The following HERC1 variants were observed in gnomAD, a reference collection of about 807,000 sequenced individuals.
HERC1 encodes probable E3 ubiquitin-protein ligase HERC1.
In HERC1, 160 loss-of-function variants were observed where a neutral mutation model predicts 554.3. The observed-to-expected ratio is 0.29, with a 90% CI of 0.25 to 0.33. The LOEUF is 0.33. HERC1 is among the 10% of genes least tolerant of loss of function. HERC1 has a pLI of 1.00. For synonymous variants in HERC1, 2,175 were observed against 2,131.7 expected (o/e 1.02, Z -0.56); for missense variants, 4,919 against 5,918.5 (o/e 0.83, Z 5.54).
chr15:63,628,506 C>T (rs2068404938), intron 70 of HERC1, among the ~76,000 whole-genome samples, 171 bp downstream of exon 70: 1 of 152,196 alleles, frequency 6.6e-6, no homozygotes, highest in African/African-American at 2.4e-5. Context: ...AGAACAAATG[C>T]CTGCTATGAA....
intron 3 of HERC1, among the ~76,000 whole-genome samples, chr15:63,759,845 T>C (rs928852129): frequency 2.0e-5 from 3 of 152,238 alleles, no homozygotes; most frequent in Admixed American, 6.5e-5. Context: ...ATACTTTAAA[T>C]AGTATCCAAA....
At chr15:63,674,090 C>G (rs2071074791) in intron 38 of HERC1, among the ~76,000 whole-genome samples, 1 of 151,886 alleles carries the variant, frequency 6.6e-6, no homozygotes, top group Non-Finnish European at 1.5e-5. Context: ...TTTTGTTTTA[C>G]AAAATGTAGT....
At chr15:63,817,061 A>T (rs1411093095) in intron 1 of HERC1, among the ~76,000 whole-genome samples, 1 of 152,214 alleles carries the variant, frequency 6.6e-6, no homozygotes, top group Non-Finnish European at 1.5e-5. Context: ...CAGAGATGCA[A>T]TGAGACTAAG....
At chr15:63,760,344 T>C (rs1239002791) in intron 3 of HERC1, among the ~76,000 whole-genome samples, 5 of 149,494 alleles carry the variant, frequency 3.3e-5, no homozygotes, top group Admixed American at 6.7e-5. Flanking sequence ...CAGAAAAGTA[T>C]TGAGGTCAAA....
In HERC1 at chr15:63,616,570, C is replaced by T; in HGVS notation, c.13801G>A (p.Ala4601Thr). ...RTKKPLDLHL[A>T]PLVWKQLCCV... is the part of the protein sequence containing the mutation. ...CACAGCTGCTTCCACACCAGAGGGGCCAAGTGGAGGTCCAGAGGCTTCTTT... is the reference window on the plus strand; with the variant it reads ...CACAGCTGCTTCCACACCAGAGGGGTCAAGTGGAGGTCCAGAGGCTTCTTT... The change falls in exon 75 of 78, where the codon GCC (alanine) becomes ACC (threonine). Residue 4601 changes from alanine (A) to threonine (T), a missense_variant. Ala to Thr is a moderately conservative substitution (Grantham distance 58). Around this residue, in one of 11 missense-constraint regions of HERC1, gnomAD observed 284 missense variants for 294.1 expected, o/e 0.97. Transcript: ENST00000443617. The T allele has an allele frequency of 6.2e-7, 1 of 1,613,950 alleles. No homozygotes were observed. Among genetic ancestry groups the T allele is most frequent in the Non-Finnish European group, 8.5e-7 (1 of 1,179,876 alleles).
chr15:63,743,618 T>C (rs2074918982), intron 12 of HERC1, among the ~76,000 whole-genome samples: 1 of 152,234 alleles, frequency 6.6e-6, no homozygotes, highest in Admixed American at 6.5e-5. Context: ...GAGGCATTCT[T>C]CAAAATGTCA....
At position 63,749,239 on chromosome 15, in the gene HERC1, A is replaced by G; in HGVS notation, c.2219+128T>C. ...TCATTTCTATGATAGAGAAAAAGCAATACTATATATGTTCAGAAGAGTATT... is the reference window on the plus strand; with the variant it reads ...TCATTTCTATGATAGAGAAAAAGCAGTACTATATATGTTCAGAAGAGTATT... On this transcript the variant is annotated intron_variant, in intron 10 of 77. Coordinates refer to ENST00000443617, the MANE Select transcript of HERC1 (RefSeq NM_003922.4). This position sits in a 1 kb window ranked among gnomAD's most constrained non-coding sequence, Gnocchi z 4.1. The G allele has an allele frequency of 1.5e-6, 1 of 686,764 alleles. No homozygotes were observed. The highest frequency in any genetic ancestry group is 2.8e-5 in the East Asian group (1 of 36,270). The allele number at this position is 686,764 out of a possible 1,614,324, so 42.5% of individuals were successfully genotyped here.
At chr15:63,825,139 T>C (rs11636351) in intron 1 of HERC1, among the ~76,000 whole-genome samples, 69,763 of 151,700 alleles carry the variant, frequency 0.46, 17,152 homozygotes, top group Non-Finnish European at 0.55. Flanking sequence ...CAAAACCCCA[T>C]CTCCTCAAAA....
chr15:63,628,711 T>C lies in HERC1; in HGVS notation c.13071A>G (p.Ala4357=). Reference sequence around the variant, plus strand: ...TTGGTGGGACAGGTGGTGCTGTCCATGCAGCACTGTGGCAGCGGCCAGCCG... The same window carrying C: ...TTGGTGGGACAGGTGGTGCTGTCCACGCAGCACTGTGGCAGCGGCCAGCCG... The part of the protein sequence containing the change: ...QISAGRCHSA[A]WTAPPVPPRA... The change falls in exon 70 of 78, where the codon GCA becomes GCG. Residue 4357 remains alanine, a synonymous_variant. Transcript: ENST00000443617. 1 of 1,613,822 alleles carries C rather than the reference T, an allele frequency of 6.2e-7. No homozygotes were observed. Among genetic ancestry groups the C allele is most frequent in the Non-Finnish European group, 8.5e-7 (1 of 1,179,774 alleles).
chr15:63,638,748 T>C lies in HERC1; in HGVS notation c.11930A>G (p.Asp3977Gly). Reference protein sequence around the residue: ...MDNSKWINGMDEQIMSWATSR... With the variant: ...MDNSKWINGMGEQIMSWATSR... ...AGTTGCCCAAGACATAATTTGTTCA[T>C]CCATGCCGTTAATCCATTTACTGTT... Residue 3977 changes from aspartate (D) to glycine (G), a missense_variant, in exon 62 of 78, where the codon GAT becomes GGT. Physicochemically the swap from Asp to Gly is moderately conservative, Grantham distance 94. Around this residue, in one of 11 missense-constraint regions of HERC1, gnomAD observed 1,963 missense variants for 2,228.6 expected, o/e 0.88. Coordinates refer to ENST00000443617, the MANE Select transcript of HERC1 (RefSeq NM_003922.4). 1 of 1,613,708 alleles carries C rather than the reference T, an allele frequency of 6.2e-7. No individual in the cohort carries two copies. The highest frequency in any genetic ancestry group is 2.2e-5 in the East Asian group (1 of 44,884).
At chr15:63,619,027 A>G (rs2067949284) in intron 74 of HERC1, among the ~76,000 whole-genome samples, 1 of 151,810 alleles carries the variant, frequency 6.6e-6, no homozygotes, top group Non-Finnish European at 1.5e-5. Context: ...AACTTCCAAC[A>G]CTATGTTGAA....
At chr15:63,689,742 C>CT (rs1264482361) in intron 32 of HERC1, 43 bp from the exon 33 acceptor site, 2 of 1,197,830 alleles carry the variant, frequency 1.7e-6, no homozygotes, top group African/African-American at 1.6e-5. Context: ...TAAAAAGTAA[C>CT]TTTAAGTATT....
At chr15:63,670,529 G>A (rs181404086) in intron 39 of HERC1, among the ~76,000 whole-genome samples, 31 of 152,258 alleles carry the variant, frequency 2.0e-4, no homozygotes, top group East Asian at 1.3e-3. Flanking sequence ...CCCAGTAAGA[G>A]CCAAGTGCAA....
At chr15:63,742,279 TTTGA>T (rs2074842554) in intron 12 of HERC1, among the ~76,000 whole-genome samples, 1 of 152,222 alleles carries the variant, frequency 6.6e-6, no homozygotes, top group Admixed American at 6.5e-5. Context: ...AATTTCATTC[TTTGA>T]TTGTACATTG....
At chr15:63,790,204 AAG>A (rs1357262813) in intron 1 of HERC1, among the ~76,000 whole-genome samples, 1 of 151,874 alleles carries the variant, frequency 6.6e-6, no homozygotes, top group African/African-American at 2.4e-5. Flanking sequence ...CAATAAACGT[AAG>A]CTGCTATTAT....
At chr15:63,811,547 C>T (rs1337605034) in intron 1 of HERC1, among the ~76,000 whole-genome samples, 1 of 152,102 alleles carries the variant, frequency 6.6e-6, no homozygotes, top group East Asian at 1.9e-4. Context: ...CGGTGGCTCA[C>T]GCCTGTAATC....
At chr15:63,738,766 G>C (rs2074658342) in intron 12 of HERC1, among the ~76,000 whole-genome samples, 1 of 152,106 alleles carries the variant, frequency 6.6e-6, no homozygotes, top group Non-Finnish European at 1.5e-5. Flanking sequence ...AAGATGCAAT[G>C]GCTGTCAAAG....
intron 25 of HERC1, among the ~76,000 whole-genome samples, chr15:63,704,117 A>T (rs1018295746): frequency 1.3e-5 from 2 of 151,990 alleles, no homozygotes; most frequent in African/African-American, 2.4e-5. Context: ...AGGAAAAAAA[A>T]TACAGTCATT....
chr15:63,815,198 A>C (rs565610597), intron 1 of HERC1, among the ~76,000 whole-genome samples: 1 of 152,266 alleles, frequency 6.6e-6, no homozygotes, highest in African/African-American at 2.4e-5. Context: ...CTAAAAGTTA[A>C]ATATGTCCGT....
Sources: gnomAD v4.1 joint callset for allele counts (sites outside exome capture counted in the v4.1 genomes callset) on GRCh38, gnomAD v4.1.1 for gene constraint, gnomAD v4.1.1 regional missense constraint, Gnocchi (gnomAD v3.1) non-coding constraint, MANE v1.5 for transcripts, NCBI Gene and HGNC (gene_info 2026-07-23, HGNC 2026-07-21) for gene names.